Variants in ILKAP observed in about 807,000 individuals in gnomAD.
The protein encoded by ILKAP is ILK associated serine/threonine phosphatase.
A neutral mutation model predicts 49.1 loss-of-function variants in ILKAP; 11 were observed. That is an observed-to-expected ratio of 0.22 (90% CI 0.14 to 0.37). The LOEUF (loss-of-function observed/expected upper bound fraction) is 0.37, where lower values mean the gene tolerates loss of function less well. Ranked by LOEUF, ILKAP falls within the 10% of genes least tolerant of loss-of-function variation. ILKAP has a pLI of 1.00. For synonymous variants in ILKAP, 186 were observed against 192.8 expected, an observed-to-expected ratio of 0.96 and a Z score of 0.29; for missense variants, 363 against 510.8, an observed-to-expected ratio of 0.71 and a Z score of 2.79.
At chr2:238,184,201 AT>A (rs1158283126) in intron 6 of ILKAP, 88 bp from the exon 7 acceptor site, 1 of 834,954 alleles carries the variant, frequency 1.2e-6, no homozygotes, top group Non-Finnish European at 2.0e-6. Context: ...TTTTTGTTTT[AT>A]TTTTTTGAGA....
At chr2:238,191,143 C>T (rs1694106280) in intron 3 of ILKAP, among the ~76,000 whole-genome samples, 1 of 151,410 alleles carries the variant, frequency 6.6e-6, no homozygotes, top group African/African-American at 2.4e-5. Flanking sequence ...TTTTGGTAAA[C>T]ACAAGGTGTC....
At chr2:238,198,073 T>C (rs1025974632) in intron 1 of ILKAP, among the ~76,000 whole-genome samples, 1 of 152,050 alleles carries the variant, frequency 6.6e-6, no homozygotes, top group East Asian at 1.9e-4. Context: ...CATTTTACCC[T>C]TACAACAATC....
chr2:238,172,775 C>G (rs375244863), intron 10 of ILKAP, among the ~76,000 whole-genome samples: 1 of 152,202 alleles, frequency 6.6e-6, no homozygotes, highest in South Asian at 2.1e-4. Flanking sequence ...CCACTAGTGT[C>G]TCTGGCCTCC....
chr2:238,200,123 CA>C (rs1366970448), intron 1 of ILKAP, among the ~76,000 whole-genome samples: 1 of 152,170 alleles, frequency 6.6e-6, no homozygotes, highest in African/African-American at 2.4e-5. Context: ...TATAAGCTGC[CA>C]ATCTTAAAGA....
At chr2:238,185,550 TC>T in intron 5 of ILKAP, 1 of 322,248 alleles carries the variant, frequency 3.1e-6, no homozygotes, top group East Asian at 6.7e-5. Flanking sequence ...ATGCCTGTAA[TC>T]CCAGCGCTTT....
rs397954562 is a variant in ILKAP, at chr2:238,202,887, GA to G, written c.55+611del. Among the ~76,000 whole-genome samples the G allele has an allele frequency of 8.9e-3, 1,040 of 116,716 alleles. 12 individuals carry two copies. The highest frequency in any genetic ancestry group is 0.029 in the African/African-American group (887 of 31,004). The allele number at this position is 116,716 out of a possible 152,430, so 76.6% of individuals were successfully genotyped here. A position where few individuals can be genotyped will look rare whatever the true frequency, so the allele number is the denominator to read the frequency against. On this transcript the variant is annotated intron_variant, in intron 1 of 11. Coordinates refer to ENST00000254654, the MANE Select transcript of ILKAP (RefSeq NM_030768.3). Reference sequence around the variant, plus strand: ...GAGAGGGGGAACTTCCCGTGGACCAGAAAAAAAAAAAAAAAACTACTGTTAA... The same window carrying G: ...GAGAGGGGGAACTTCCCGTGGACCAGAAAAAAAAAAAAAAACTACTGTTAA...
chr2:238,181,981 G>A (rs977048125), intron 9 of ILKAP, 84 bp downstream of exon 9: 1 of 1,439,794 alleles, frequency 6.9e-7, no homozygotes, highest in Non-Finnish European at 9.6e-7. Flanking sequence ...CGTAACAGGG[G>A]AAGTTCTACT....
At chr2:238,173,132 A>C (rs898439616) in intron 10 of ILKAP, among the ~76,000 whole-genome samples, 3 of 152,122 alleles carry the variant, frequency 2.0e-5, no homozygotes, top group Non-Finnish European at 4.4e-5. Flanking sequence ...ATCTGCCCCC[A>C]AAGTACCCTG....
intron 9 of ILKAP, among the ~76,000 whole-genome samples, chr2:238,180,863 T>C (rs1459390305): frequency 2.0e-5 from 3 of 152,230 alleles, no homozygotes; most frequent in Non-Finnish European, 2.9e-5. Flanking sequence ...GCAGAATGAA[T>C]GTAAAACTTA....
chr2:238,188,003 A>C (rs1693974919), intron 5 of ILKAP, 128 bp downstream of exon 5: 1 of 1,101,454 alleles, frequency 9.1e-7, no homozygotes, highest in Non-Finnish European at 1.3e-6. Flanking sequence ...ACCCCAGCTG[A>C]GAATCACTGA....
At chr2:238,176,094 T>TC (rs920847271) in intron 9 of ILKAP, among the ~76,000 whole-genome samples, 5 of 142,202 alleles carry the variant, frequency 3.5e-5, no homozygotes, top group African/African-American at 5.2e-5. Flanking sequence ...TCCCTCAGTT[T>TC]CCCCCCCACC....
intron 8 of ILKAP, among the ~76,000 whole-genome samples, chr2:238,183,196 T>C (rs1693768297): frequency 2.0e-5 from 3 of 152,148 alleles, no homozygotes; most frequent in Admixed American, 1.3e-4. Flanking sequence ...GGGTGATGAA[T>C]GGCACCTCAT....
chr2:238,184,087 C>A lies in ILKAP; in HGVS notation c.559G>T (p.Val187Leu). ...AAAGTGTCCAAAAGGCATCTCTTCA[C>A]GGTTTTCTCTACACTGATTACATCT... is the stretch of plus-strand genomic sequence containing the variant. ...KGDVISVEKT[V>L]KRCLLDTFKH... The change falls in exon 7 of 12, where the codon GTG becomes TTG. Residue 187 changes from valine (V) to leucine (L), a missense_variant. Physicochemically the swap from Val to Leu is conservative, Grantham distance 32. Transcript: ENST00000254654. 1 of 1,606,354 alleles carries A rather than the reference C, an allele frequency of 6.2e-7. No homozygotes were observed. The highest frequency in any genetic ancestry group is 8.5e-7 in the Non-Finnish European group (1 of 1,172,930).
Position 238,170,668 on chromosome 2 carries a change from C to A in ILKAP, c.1047G>T (p.Lys349Asn), listed in dbSNP as rs141848989. The A allele has an allele frequency of 4.4e-4, 707 of 1,595,626 alleles. No individual in the cohort carries two copies. The highest frequency in any genetic ancestry group is 5.7e-4 in the Non-Finnish European group (663 of 1,166,038). The change falls in exon 12 of 12, where the codon AAG (lysine) becomes AAT (asparagine). Residue 349 changes from lysine (K) to asparagine (N), a missense_variant. Lys to Asn is a moderately conservative substitution (Grantham distance 94). This residue lies in a region of ILKAP where 83 missense variants were observed against 87.5 expected (regional missense o/e 0.95). Transcript: ENST00000254654. The part of the protein sequence containing the change: ...NFILSCLEDE[K>N]IQTREGKSAA... ...CGGACTTCCCTTCCCGGGTCTGGATCTTTTCATCCTACCAGATGAGAAAGG... is the reference window on the plus strand; with the variant it reads ...CGGACTTCCCTTCCCGGGTCTGGATATTTTCATCCTACCAGATGAGAAAGG...
rs780268217 is a variant in ILKAP, at chr2:238,184,111, C to G, written c.535G>C (p.Asp179His). Residue 179 changes from aspartate (D) to histidine (H), a missense_variant and splice_region_variant, in exon 7 of 12, where the codon GAT (aspartate) becomes CAT (histidine). This residue lies in a region of ILKAP where 166 missense variants were observed against 307.3 expected (regional missense o/e 0.54). Transcript: ENST00000254654. The part of the protein sequence containing the change: ...QNLIRKFPKG[D>H]VISVEKTVKR... ...ACGGTTTTCTCTACACTGATTACAT[C>G]TCCTATTACAGAAGGGCCAAAAGAA... is the stretch of plus-strand genomic sequence containing the variant. 2 of 1,552,258 alleles carry G rather than the reference C, an allele frequency of 1.3e-6. No individual in the cohort carries two copies. The highest frequency in any genetic ancestry group is 3.3e-5 in the Admixed American group (2 of 59,890).
In ILKAP at chr2:238,173,078, A is replaced by C. The variant is rs573494221; in HGVS notation, c.956+456T>G. Among the ~76,000 whole-genome samples the C allele has an allele frequency of 1.8e-3, 271 of 152,180 alleles. 1 individual carries two copies. The highest frequency in any genetic ancestry group is 2.0e-3 in the Non-Finnish European group (135 of 68,002). ...ATGATTCTCCACCAATGATCAACTA[A>C]AGTTCAAACTCTCCAGCATGGGGCT... On this transcript the variant is annotated intron_variant, in intron 10 of 11. Coordinates refer to ENST00000254654, the MANE Select transcript of ILKAP (RefSeq NM_030768.3).
At chr2:238,203,377 G>T in intron 1 of ILKAP, 122 bp downstream of exon 1, 2 of 282,790 alleles carry the variant, frequency 7.1e-6, no homozygotes, top group South Asian at 1.4e-4. Flanking sequence ...AGCAGGCCCC[G>T]TGCAGCCCGC....
intron 1 of ILKAP, among the ~76,000 whole-genome samples, chr2:238,203,150 G>A (rs1343625967): frequency 6.6e-6 from 1 of 151,154 alleles, no homozygotes; most frequent in Non-Finnish European, 1.5e-5. Context: ...GGGCGCGGGG[G>A]CCCGCGGTGC....
chr2:238,203,443 G>C, intron 1 of ILKAP, 56 bp downstream of exon 1: 1 of 1,029,600 alleles, frequency 9.7e-7, no homozygotes, highest in Non-Finnish European at 1.2e-6. Flanking sequence ...GCCTCAGGCC[G>C]CCCCCATCCC....
Sources: allele counts gnomAD v4.1 joint callset (sites outside exome capture counted in the v4.1 genomes callset), GRCh38; gene constraint gnomAD v4.1.1; regional missense constraint gnomAD v4.1.1; transcripts MANE v1.5; gene names NCBI Gene and HGNC (gene_info 2026-07-23, HGNC 2026-07-21).